The following C18orf54 variants were observed in gnomAD, a reference collection of about 807,000 sequenced individuals.
C18orf54 encodes chromosome 18 open reading frame 54.
A neutral mutation model predicts 49.3 loss-of-function variants in C18orf54; 49 were observed. That is an observed-to-expected ratio of 0.99 (90% confidence interval 0.79 to 1.26). The LOEUF (loss-of-function observed/expected upper bound fraction) is 1.26. Among genes scored for constraint, C18orf54 ranks in the 50% most tolerant of loss-of-function variants. C18orf54 has a pLI of 0.00. For synonymous variants in C18orf54, 211 were observed against 216.6 expected, an observed-to-expected ratio of 0.97 and a Z score of 0.23; for missense variants, 687 against 620.6, an observed-to-expected ratio of 1.11 and a Z score of -1.14.
rs1357499074 is a variant in C18orf54 at position 54,362,451 on chromosome 18, T to C, written c.1072+20T>C. 4 of 1,440,858 alleles carry C rather than the reference T, an allele frequency of 2.8e-6. No individual in the cohort carries two copies. In the South Asian group the frequency reaches 4.5e-5, roughly 16 times the overall value. The allele number at this position is 1,440,858 out of a possible 1,614,324, so 89.3% of individuals were successfully genotyped here. On this transcript the variant is annotated intron_variant, in intron 4 of 8. Transcript: ENST00000620105. ...TCAGTGGTAATACTTTGTTTATTGCTTATAGTTATTTATTTTTCTTTTTTT... is the reference window on the plus strand; with the variant it reads ...TCAGTGGTAATACTTTGTTTATTGCCTATAGTTATTTATTTTTCTTTTTTT...
intron 6 of C18orf54, among the ~76,000 whole-genome samples, chr18:54,370,834 C>T (rs1003048089): frequency 6.6e-6 from 1 of 151,856 alleles, no homozygotes; most frequent in African/African-American, 2.4e-5. Context: ...ATAAGGCAGC[C>T]GAAGTTCTAA....
chr18:54,373,840 T>A (rs1264937957), intron 7 of C18orf54, among the ~76,000 whole-genome samples: 4 of 152,016 alleles, frequency 2.6e-5, no homozygotes, highest in Non-Finnish European at 1.5e-5. Flanking sequence ...ATTTGAGTTG[T>A]ATTTCTTAAT....
chr18:54,364,567 A>G (rs2144727971), intron 5 of C18orf54, among the ~76,000 whole-genome samples: 2 of 152,266 alleles, frequency 1.3e-5, no homozygotes, highest in Middle Eastern at 3.4e-3. Context: ...AAAATTGAAT[A>G]GGAAGTACTC....
At chr18:54,375,959 T>C (rs2089562743) in intron 8 of C18orf54, among the ~76,000 whole-genome samples, 1 of 152,196 alleles carries the variant, frequency 6.6e-6, no homozygotes, top group South Asian at 2.1e-4. Flanking sequence ...TAAATTTAAT[T>C]ACATCTCAGA....
chr18:54,367,246 C>T (rs912190415), intron 6 of C18orf54, among the ~76,000 whole-genome samples: 1 of 151,940 alleles, frequency 6.6e-6, no homozygotes, highest in Non-Finnish European at 1.5e-5. Context: ...CTTTTTTCCC[C>T]TCATATTATC....
intron 8 of C18orf54, among the ~76,000 whole-genome samples, chr18:54,376,399 A>G (rs2089570424): frequency 6.6e-6 from 1 of 152,160 alleles, no homozygotes; most frequent in African/African-American, 2.4e-5. Context: ...GGGTTTCGCC[A>G]TGTTGGCCAG....
intron 5 of C18orf54, among the ~76,000 whole-genome samples, chr18:54,363,175 C>A (rs530716055): frequency 1.1e-4 from 17 of 152,184 alleles, no homozygotes; most frequent in African/African-American, 4.1e-4. Context: ...TATTGATAAG[C>A]ATCTTAATAT....
chr18:54,362,924 A>G lies in C18orf54; in HGVS notation c.1223+3A>G, dbSNP rs2089301915. ...TGGGAAAATATTCCTGTTACTTTGT[A>G]AGTAAGTGGCAATGGAAAAACTGTT... On this transcript the variant is annotated splice_donor_region_variant and intron_variant, in intron 5 of 8. Transcript: ENST00000620105. 2 of 1,587,778 alleles carry G rather than the reference A, an allele frequency of 1.3e-6. No homozygotes were observed. Among genetic ancestry groups the G allele is most frequent in the Non-Finnish European group, 1.7e-6 (2 of 1,172,938 alleles).
rs1304147587 is a variant in C18orf54 at position 54,378,678 on chromosome 18, C to A, written c.*432C>A. ...ACTTTTTTAAAGATATAGTTAGCAT[C>A]ACTTTTAAACAGCTTAAAGGAATAT... On this transcript the variant is annotated 3_prime_UTR_variant, in exon 9 of 9. Transcript: ENST00000620105. 6.5e-6 allele frequency: 1 copy of A among 152,996 alleles called. No homozygotes were observed. The highest frequency in any genetic ancestry group is 6.5e-5 in the Admixed American group (1 of 15,348). 9.5% of individuals were successfully genotyped at this position (152,996 alleles called of 1,614,324 possible).
chr18:54,369,008 T>G (rs1395753099), intron 6 of C18orf54, among the ~76,000 whole-genome samples: 1 of 152,156 alleles, frequency 6.6e-6, no homozygotes, highest in Non-Finnish European at 1.5e-5. Flanking sequence ...GAGCATTTCT[T>G]TGAGGAGCCA....
intron 6 of C18orf54, among the ~76,000 whole-genome samples, chr18:54,370,751 C>G (rs1042088637): frequency 1.3e-5 from 2 of 152,138 alleles, no homozygotes; most frequent in African/African-American, 2.4e-5. Context: ...ACTCTGACCA[C>G]TGCTTTGCAT....
chr18:54,371,594 T>A (rs2089487278), intron 6 of C18orf54, among the ~76,000 whole-genome samples: 1 of 152,166 alleles, frequency 6.6e-6, no homozygotes, highest in Non-Finnish European at 1.5e-5. Context: ...CTATAGCATT[T>A]TACCTTTCCG....
At chr18:54,365,338 A>G (rs554594250) in intron 5 of C18orf54, among the ~76,000 whole-genome samples, 2 of 152,148 alleles carry the variant, frequency 1.3e-5, no homozygotes, top group South Asian at 4.1e-4. Context: ...AAAACTTTTA[A>G]GAGTTTATGG....
rs973221096 is a variant in C18orf54, at chr18:54,358,826, G to C, written c.-91G>C. 1.3e-5 allele frequency: 2 copies of C among 152,242 alleles called. No homozygotes were observed. The highest frequency in any genetic ancestry group is 4.8e-5 in the African/African-American group (2 of 41,450). The allele number at this position is 152,242 out of a possible 1,614,324, so 9.4% of individuals were successfully genotyped here. A position where few individuals can be genotyped will look rare whatever the true frequency, so the allele number is the denominator to read the frequency against. On this transcript the variant is annotated 5_prime_UTR_variant, in exon 2 of 9. Coordinates refer to ENST00000620105, the MANE Select transcript of C18orf54 (RefSeq NM_001288980.2). Reference sequence around the variant, plus strand: ...TAACATTCTGTTCTTCCGCGTGATGGATTTTCTTTTGGAGATTCGAACTGA... The same window carrying C: ...TAACATTCTGTTCTTCCGCGTGATGCATTTTCTTTTGGAGATTCGAACTGA...
In C18orf54 at chr18:54,362,269, A is replaced by G; in HGVS notation, c.910A>G (p.Asn304Asp). The change falls in exon 4 of 9, where the codon AAT becomes GAT. Residue 304 changes from asparagine (N) to aspartate (D), a missense_variant. Physicochemically the swap from Asn to Asp is conservative, Grantham distance 23. Coordinates refer to ENST00000620105, the MANE Select transcript of C18orf54 (RefSeq NM_001288980.2). ...GGCACAAGGAACTTCTCGGCTTATC[A>G]ATAAATTAGATTGTTTTGAATATGC... is the stretch of plus-strand genomic sequence containing the variant. ...HQAQGTSRLI[N>D]KLDCFEYAFE... 1 of 1,536,448 alleles carries G rather than the reference A, an allele frequency of 6.5e-7. No homozygotes were observed.
At chr18:54,377,320 A>G (rs1444224443) in intron 8 of C18orf54, among the ~76,000 whole-genome samples, 2 of 152,150 alleles carry the variant, frequency 1.3e-5, no homozygotes, top group African/African-American at 4.8e-5. Flanking sequence ...CCCAAAGTGC[A>G]TGGATTACAG....
chr18:54,369,183 T>C (rs942646641), intron 6 of C18orf54, among the ~76,000 whole-genome samples: 1 of 152,174 alleles, frequency 6.6e-6, no homozygotes, highest in Non-Finnish European at 1.5e-5. Flanking sequence ...TTTATCTGTT[T>C]ATCTGTGTAC....
At chr18:54,365,866 A>G in intron 6 of C18orf54, 45 bp downstream of exon 6, 1 of 1,193,770 alleles carries the variant, frequency 8.4e-7, no homozygotes, top group Non-Finnish European at 1.2e-6. Context: ...AGATATATGA[A>G]TAATATGTAG....
intron 8 of C18orf54, among the ~76,000 whole-genome samples, chr18:54,377,642 TAG>T (rs532478547): frequency 6.6e-6 from 1 of 152,222 alleles, no homozygotes; most frequent in Non-Finnish European, 1.5e-5. Flanking sequence ...ACACATTATA[TAG>T]ACTTATTGGA....
Sources: gnomAD v4.1 joint callset for allele counts (sites outside exome capture counted in the v4.1 genomes callset) on GRCh38, gnomAD v4.1.1 for gene constraint, MANE v1.5 for transcripts, NCBI Gene and HGNC (gene_info 2026-07-23, HGNC 2026-07-21) for gene names.